PKIB: variants seen among roughly 807,000 people sequenced by gnomAD.
PKIB encodes the protein PKI-beta.
In PKIB, 2 loss-of-function variants were observed where a neutral mutation model predicts 4.5. The observed-to-expected ratio is 0.44, with a 90% CI of 0.18 to 1.39. The LOEUF (loss-of-function observed/expected upper bound fraction) is 1.39. Ranked by LOEUF, PKIB falls within the 40% of genes most tolerant of loss-of-function variation. PKIB has a pLI of 0.27. For synonymous variants in PKIB, 38 were observed against 36.0 expected, an observed-to-expected ratio of 1.06 and a Z score of -0.20; for missense variants, 94 against 92.6, an observed-to-expected ratio of 1.02 and a Z score of -0.06.
intron 2 of PKIB, among the ~76,000 whole-genome samples, chr6:122,634,810 C>T (rs555511364): frequency 3.3e-5 from 5 of 152,048 alleles, no homozygotes; most frequent in Middle Eastern, 3.4e-3. Flanking sequence ...GGTGTGATGG[C>T]GGGCGCCTGT....
At chr6:122,598,494 G>C (rs1349200496) in intron 3 of PKIB, among the ~76,000 whole-genome samples, 4 of 152,178 alleles carry the variant, frequency 2.6e-5, no homozygotes, top group African/African-American at 9.7e-5. Context: ...TTGTAGTTGA[G>C]TGACTGCGGT....
Position 122,711,934 on chromosome 6 carries a change from A to C in PKIB, c.-8-5853A>C, listed in dbSNP as rs146568188. On this transcript the variant is annotated intron_variant, in intron 3 of 4. Transcript: ENST00000368452. ...TAGCAAGCAAGAACATAAACATTAA[A>C]AAATGTGCGTGTCAACAAACCAAAG... is the stretch of plus-strand genomic sequence containing the variant. 8.1e-4 allele frequency among the ~76,000 whole-genome samples: 124 copies of C among 152,294 alleles called. 3 individuals carry two copies. The highest frequency in any genetic ancestry group is 7.2e-3 in the Admixed American group (110 of 15,280).
chr6:122,682,826 G>A (rs947754420), intron 3 of PKIB, among the ~76,000 whole-genome samples: 2 of 152,154 alleles, frequency 1.3e-5, no homozygotes, highest in Middle Eastern at 3.2e-3. Context: ...ACTGTCCAAA[G>A]CAAAGACATC....
chr6:122,561,998 T>TTG (rs1773038993), intron 2 of PKIB, among the ~76,000 whole-genome samples: 1 of 132,850 alleles, frequency 7.5e-6, no homozygotes, highest in African/African-American at 3.2e-5. Flanking sequence ...GTTTTTGTTT[T>TTG]TTTTTGTTTT....
At chr6:122,675,716 T>C (rs1777645161) in intron 3 of PKIB, among the ~76,000 whole-genome samples, 1 of 152,180 alleles carries the variant, frequency 6.6e-6, no homozygotes. Flanking sequence ...TTTTCTATTT[T>C]AATTTACCAG....
intron 2 of PKIB, among the ~76,000 whole-genome samples, chr6:122,565,584 A>G (rs1002036668): frequency 2.1e-4 from 32 of 152,210 alleles, no homozygotes; most frequent in African/African-American, 7.7e-4. Flanking sequence ...ACATGAGTCT[A>G]AGAGTATGAC....
At chr6:122,514,942 G>T (rs1478291581) in intron 2 of PKIB, among the ~76,000 whole-genome samples, 1 of 152,198 alleles carries the variant, frequency 6.6e-6, no homozygotes, top group Non-Finnish European at 1.5e-5. Flanking sequence ...TTCATTCTAT[G>T]CTTCTGTGCC....
chr6:122,556,213 G>A (rs1772835873), intron 2 of PKIB, among the ~76,000 whole-genome samples: 1 of 152,174 alleles, frequency 6.6e-6, no homozygotes, highest in Non-Finnish European at 1.5e-5. Flanking sequence ...GCTATGTGAA[G>A]AAGGACGTGT....
intron 2 of PKIB, among the ~76,000 whole-genome samples, chr6:122,656,013 A>G (rs1476467984): frequency 6.6e-6 from 1 of 152,112 alleles, no homozygotes; most frequent in Admixed American, 6.5e-5. Context: ...TCTCCCCTTG[A>G]TAATAATTTA....
intron 3 of PKIB, among the ~76,000 whole-genome samples, chr6:122,604,204 T>C (rs1010927739): frequency 6.6e-6 from 1 of 152,154 alleles, no homozygotes; most frequent in African/African-American, 2.4e-5. Flanking sequence ...ACAGTGATAG[T>C]AGAGTTAGAC....
chr6:122,680,291 T>C (rs901067094), intron 3 of PKIB, among the ~76,000 whole-genome samples: 2 of 152,328 alleles, frequency 1.3e-5, no homozygotes, highest in African/African-American at 2.4e-5. Flanking sequence ...TTAGACAAAA[T>C]TGATATTATC....
intron 1 of PKIB, among the ~76,000 whole-genome samples, chr6:122,612,791 C>A (rs1229558525): frequency 1.6e-4 from 24 of 152,086 alleles, no homozygotes; most frequent in Admixed American, 1.6e-3. Flanking sequence ...GTTTTCATTT[C>A]TCTTGGGTAG....
chr6:122,555,553 G>C (rs1334565854), intron 2 of PKIB, among the ~76,000 whole-genome samples: 3 of 152,110 alleles, frequency 2.0e-5, no homozygotes, highest in African/African-American at 7.2e-5. Flanking sequence ...CTAAAATCAA[G>C]GAAAAAAATA....
At chr6:122,602,008 A>ATT (rs78504289) in intron 3 of PKIB, among the ~76,000 whole-genome samples, 1,967 of 140,312 alleles carry the variant, frequency 0.014, 28 homozygotes, top group Middle Eastern at 0.041. Flanking sequence ...CTTTCCCTTC[A>ATT]TTTTTTTTTT....
At chr6:122,532,554 A>G (rs1302440070) in intron 2 of PKIB, among the ~76,000 whole-genome samples, 1 of 152,102 alleles carries the variant, frequency 6.6e-6, no homozygotes, top group Non-Finnish European at 1.5e-5. Flanking sequence ...CCTGGCAACC[A>G]CTATTCTACC....
intron 2 of PKIB, among the ~76,000 whole-genome samples, chr6:122,566,461 CAG>C (rs1773197507): frequency 6.6e-6 from 1 of 152,026 alleles, no homozygotes. Flanking sequence ...ATGTAGATAA[CAG>C]ATATTATTAA....
intron 3 of PKIB, among the ~76,000 whole-genome samples, chr6:122,683,840 T>C (rs1331534531): frequency 6.6e-6 from 1 of 152,206 alleles, no homozygotes; most frequent in Non-Finnish European, 1.5e-5. Context: ...AAGGCTATGA[T>C]ATGATCCAGC....
At chr6:122,585,974 T>G (rs1773836370) in exon 3 of PKIB, 1 of 152,148 alleles carries the variant, frequency 6.6e-6, no homozygotes. Context: ...ATTTTGAGAT[T>G]TGAGAACTTG....
chr6:122,590,312 AAG>A (rs1228977826), intron 3 of PKIB, among the ~76,000 whole-genome samples: 1 of 152,212 alleles, frequency 6.6e-6, no homozygotes, highest in East Asian at 1.9e-4. Flanking sequence ...TGTGGAGGTT[AAG>A]ATCACAGGCT....
Sources: gnomAD v4.1 joint callset for allele counts (sites outside exome capture counted in the v4.1 genomes callset) on GRCh38, gnomAD v4.1.1 for gene constraint, MANE v1.5 for transcripts, NCBI Gene and HGNC (gene_info 2026-07-23, HGNC 2026-07-21) for gene names.